Variants in LRFN5 observed in about 807,000 individuals in gnomAD.
The protein encoded by LRFN5 is leucine-rich repeat and fibronectin type-III domain-containing protein 5.
A neutral mutation model predicts 45.6 loss-of-function variants in LRFN5; 24 were observed. The ratio of observed to expected loss-of-function variants is 0.53; its 90% CI spans 0.38 to 0.74. LRFN5 has a LOEUF of 0.74. Among genes scored for constraint, LRFN5 ranks in the 30% least tolerant of loss-of-function variants. The pLI, the probability that LRFN5 is intolerant of heterozygous loss-of-function variation, is 0.00. For missense variants in LRFN5, 776 were observed against 861.5 expected, an observed-to-expected ratio of 0.90 and a Z score of 1.24; for synonymous variants, 340 against 313.8, an observed-to-expected ratio of 1.08 and a Z score of -0.88.
chr14:41,793,700 GAA>G (rs35581928), intron 2 of LRFN5, among the ~76,000 whole-genome samples: 1 of 145,894 alleles, frequency 6.9e-6, no homozygotes, highest in Non-Finnish European at 1.5e-5. Flanking sequence ...CTACTCCTAA[GAA>G]AAAAAAAAAT....
At chr14:41,811,930 A>G (rs1594431181) in intron 2 of LRFN5, among the ~76,000 whole-genome samples, 1 of 152,248 alleles carries the variant, frequency 6.6e-6, no homozygotes, top group East Asian at 1.9e-4. Context: ...ATGGTTATTG[A>G]TTTATATTTC....
At chr14:41,754,689 A>G (rs1363867881) in intron 1 of LRFN5, among the ~76,000 whole-genome samples, 1 of 151,678 alleles carries the variant, frequency 6.6e-6, no homozygotes, top group Non-Finnish European at 1.5e-5. Flanking sequence ...GTGGTCTATC[A>G]ATTTTGTTGA....
At chr14:41,762,493 G>A (rs1798116839) in intron 1 of LRFN5, among the ~76,000 whole-genome samples, 1 of 151,944 alleles carries the variant, frequency 6.6e-6, no homozygotes, top group South Asian at 2.1e-4. Flanking sequence ...TTCAATCATT[G>A]CCTCTAATTT....
rs1887142304 is a variant in LRFN5, at chr14:41,796,658, A to G, written c.-21+29629A>G. On this transcript the variant is annotated intron_variant, in intron 2 of 5. Coordinates refer to ENST00000298119, the MANE Select transcript of LRFN5 (RefSeq NM_152447.5). The stretch of plus-strand genomic sequence containing the variant: ...TAGGGTCACTTTATTAGGCATTACT[A>G]TATCAATGTATATTAATTCTATAAA... 2.6e-5 allele frequency among the ~76,000 whole-genome samples: 4 copies of G among 151,936 alleles called. No individual in the cohort carries two copies. The South Asian group carries it at 8.3e-4, about 31-fold the overall frequency.
At chr14:41,738,441 G>C (rs2138813414) in intron 1 of LRFN5, among the ~76,000 whole-genome samples, 1 of 152,266 alleles carries the variant, frequency 6.6e-6, no homozygotes, top group East Asian at 1.9e-4. Flanking sequence ...CATGGGCAAA[G>C]ACTTCATGAC....
At chr14:41,697,840 A>G (rs1269640909) in intron 1 of LRFN5, among the ~76,000 whole-genome samples, 2 of 151,892 alleles carry the variant, frequency 1.3e-5, no homozygotes, top group African/African-American at 4.8e-5. Context: ...TATTCATCCA[A>G]TTTTATTTTA....
At chr14:41,702,260 GTA>G (rs1374810711) in intron 1 of LRFN5, among the ~76,000 whole-genome samples, 2 of 152,260 alleles carry the variant, frequency 1.3e-5, no homozygotes, top group East Asian at 3.9e-4. Flanking sequence ...GAGAAGTTAA[GTA>G]GCTTGCTCAA....
At chr14:41,847,549 C>T (rs1344919247) in intron 2 of LRFN5, among the ~76,000 whole-genome samples, 8 of 151,932 alleles carry the variant, frequency 5.3e-5, no homozygotes, top group Admixed American at 5.3e-4. Flanking sequence ...TTCCTTTCTC[C>T]TGCTTTATTA....
At chr14:41,872,751 G>A (rs1487561158) in intron 2 of LRFN5, among the ~76,000 whole-genome samples, 4 of 152,130 alleles carry the variant, frequency 2.6e-5, no homozygotes, top group Non-Finnish European at 5.9e-5. Flanking sequence ...TCATTGGAAG[G>A]CACAATTTAC....
intron 1 of LRFN5, among the ~76,000 whole-genome samples, chr14:41,679,663 G>T (rs563529764): frequency 5.3e-4 from 80 of 152,214 alleles, no homozygotes; most frequent in Middle Eastern, 3.4e-3. Context: ...GCTAGCTTCA[G>T]GTGTGACCCA....
chr14:41,892,047 A>T, intron 4 of LRFN5, 85 bp downstream of exon 4: 1 of 1,524,226 alleles, frequency 6.6e-7, no homozygotes, highest in African/African-American at 1.4e-5. Context: ...TACTATTGTT[A>T]TATTAACTCG....
chr14:41,891,626 T>G lies in LRFN5; in HGVS notation c.1762T>G (p.Ser588Ala), dbSNP rs778956358. Residue 588 changes from serine to alanine, a missense_variant, in exon 4 of 6, where the codon TCC becomes GCC. Transcript: ENST00000298119. The stretch of plus-strand genomic sequence containing the variant: ...AGGCTGTAGTGTAACGCTGCCCCAG[T>G]CCGTGTCCAAACAAGCTGTGGGACA... ...IQGCSVTLPQ[S>A]VSKQAVGHEE... 4 of 1,614,146 alleles carry G rather than the reference T, an allele frequency of 2.5e-6. No homozygotes were observed. The Admixed American group carries it at 6.7e-5, about 27-fold the overall frequency.
At chr14:41,814,768 T>C (rs933566145) in intron 2 of LRFN5, among the ~76,000 whole-genome samples, 2 of 152,130 alleles carry the variant, frequency 1.3e-5, no homozygotes, top group African/African-American at 4.8e-5. Flanking sequence ...GGGTATATGT[T>C]AGACAAATGG....
chr14:41,733,145 G>T (rs754352239), intron 1 of LRFN5, among the ~76,000 whole-genome samples: 12 of 151,970 alleles, frequency 7.9e-5, no homozygotes, highest in Non-Finnish European at 1.3e-4. Flanking sequence ...TTAGAAAGGA[G>T]CAGAGAGAAT....
intron 2 of LRFN5, among the ~76,000 whole-genome samples, chr14:41,779,803 C>A (rs922643511): frequency 1.5e-4 from 23 of 151,778 alleles, no homozygotes; most frequent in African/African-American, 5.1e-4. Flanking sequence ...GTACATTGAA[C>A]CAGTAATATC....
chr14:41,748,823 C>T (rs1885020055), intron 1 of LRFN5, among the ~76,000 whole-genome samples: 1 of 151,792 alleles, frequency 6.6e-6, no homozygotes, highest in Non-Finnish European at 1.5e-5. Context: ...GTAATCATTA[C>T]AGTGTTGGCA....
intron 1 of LRFN5, among the ~76,000 whole-genome samples, chr14:41,688,199 CT>C (rs1356545130): frequency 6.6e-6 from 1 of 151,986 alleles, no homozygotes; most frequent in African/African-American, 2.4e-5. Flanking sequence ...TGCGGGGATG[CT>C]TTATGGATAC....
chr14:41,691,472 T>A (rs1403661088), intron 1 of LRFN5, among the ~76,000 whole-genome samples: 1 of 152,120 alleles, frequency 6.6e-6, no homozygotes, highest in Non-Finnish European at 1.5e-5. Context: ...CTTAATGATA[T>A]TTAGAAGCCC....
At chr14:41,649,349 G>A (rs1316347126) in intron 1 of LRFN5, among the ~76,000 whole-genome samples, 1 of 147,780 alleles carries the variant, frequency 6.8e-6, no homozygotes, top group Non-Finnish European at 1.5e-5. Context: ...AATTAATATT[G>A]TCATAGTTTT....
Sources: allele counts gnomAD v4.1 joint callset (sites outside exome capture counted in the v4.1 genomes callset), GRCh38; gene constraint gnomAD v4.1.1; transcripts MANE v1.5; gene names NCBI Gene and HGNC (gene_info 2026-07-23, HGNC 2026-07-21).